CFTR: variants seen among roughly 807,000 people sequenced by gnomAD.
The protein encoded by CFTR is cystic fibrosis transmembrane conductance regulator.
Under a neutral mutation model 171.6 loss-of-function variants are expected in CFTR, and 181 were observed. The observed-to-expected ratio is 1.05, with a 90% CI of 0.93 to 1.19. The LOEUF (loss-of-function observed/expected upper bound fraction) is 1.19. Ranked by LOEUF, CFTR falls within the 50% of genes most tolerant of loss-of-function variation. The pLI is 0.00. For missense variants in CFTR, 1,968 were observed against 1,734.7 expected (o/e 1.13, Z -2.39); for synonymous variants, 583 against 608.0 (o/e 0.96, Z 0.60).
At chr7:117,558,337 G>A (rs1799394958) in intron 10 of CFTR, among the ~76,000 whole-genome samples, 1 of 151,396 alleles carries the variant, frequency 6.6e-6, no homozygotes, top group African/African-American at 2.4e-5. Context: ...GTGCTTTTTC[G>A]AGGTTAGGAG....
At chr7:117,495,591 A>G (rs1798224339) in intron 1 of CFTR, among the ~76,000 whole-genome samples, 1 of 152,272 alleles carries the variant, frequency 6.6e-6, no homozygotes, top group East Asian at 1.9e-4. Flanking sequence ...CCAGAAGTTA[A>G]GTTCCTTGCT....
intron 15 of CFTR, among the ~76,000 whole-genome samples, chr7:117,597,299 G>A (rs1046661086): frequency 6.6e-6 from 1 of 152,074 alleles, no homozygotes; most frequent in Non-Finnish European, 1.5e-5. Flanking sequence ...CAGGACACGC[G>A]GCCTTTAAGA....
intron 3 of CFTR, among the ~76,000 whole-genome samples, chr7:117,523,587 C>T (rs1482481189): frequency 6.6e-6 from 1 of 152,112 alleles, no homozygotes; most frequent in Non-Finnish European, 1.5e-5. Context: ...CTGTGTTAGC[C>T]AGGACGGTCT....
intron 24 of CFTR, among the ~76,000 whole-genome samples, chr7:117,656,993 T>C (rs970218468): frequency 6.6e-6 from 1 of 152,168 alleles, no homozygotes; most frequent in African/African-American, 2.4e-5. Context: ...AAAGTTTCCT[T>C]ATTACCCAAC....
In CFTR at chr7:117,665,515, TTC is replaced by T. The variant is rs397508693; in HGVS notation, c.4197_4198del (p.Cys1400Ter). 9.3e-6 allele frequency: 15 copies of T among 1,613,532 alleles called. No individual in the cohort carries two copies. Among genetic ancestry groups the T allele is most frequent in the Non-Finnish European group, 1.3e-5 (15 of 1,179,588 alleles). On this transcript the variant is annotated frameshift_variant, in exon 26 of 27. Coordinates refer to ENST00000003084, the MANE Select transcript of CFTR (RefSeq NM_000492.4). LOFTEE classifies it high-confidence loss of function. ...CAAGCATTTGCTGATTGCACAGTAA[TTC>T]TCTGTGAACACAGGATAGAAGCAAT...
At chr7:117,602,945 T>C in intron 16 of CFTR, 82 bp downstream of exon 16, 1 of 1,221,296 alleles carries the variant, frequency 8.2e-7, no homozygotes, top group East Asian at 2.3e-5. Flanking sequence ...TTGTATGTAT[T>C]GTAATCCACT....
chr7:117,596,066 A>G (rs1399421986), intron 15 of CFTR, among the ~76,000 whole-genome samples: 148 of 152,174 alleles, frequency 9.7e-4, no homozygotes, highest in Non-Finnish European at 1.8e-4. Flanking sequence ...GGAGCCCTTC[A>G]GCCCTCCCCT....
chr7:117,574,016 TA>T (rs1791733822), intron 11 of CFTR, among the ~76,000 whole-genome samples: 1 of 152,034 alleles, frequency 6.6e-6, no homozygotes, highest in Non-Finnish European at 1.5e-5. Context: ...TACTGCTTTT[TA>T]AAAAAATTAT....
At chr7:117,544,127 A>G (rs1179708060) in intron 9 of CFTR, among the ~76,000 whole-genome samples, 1 of 152,110 alleles carries the variant, frequency 6.6e-6, no homozygotes, top group Admixed American at 6.6e-5. Flanking sequence ...AAGAACAATA[A>G]TTTTATTCTC....
chr7:117,551,870 C>G (rs1799277026), intron 10 of CFTR, among the ~76,000 whole-genome samples: 1 of 152,126 alleles, frequency 6.6e-6, no homozygotes, highest in South Asian at 2.1e-4. Context: ...CTGACACCAC[C>G]TTGTCTCTAT....
intron 15 of CFTR, among the ~76,000 whole-genome samples, chr7:117,598,814 C>A (rs966342075): frequency 6.6e-6 from 1 of 152,006 alleles, no homozygotes; most frequent in African/African-American, 2.4e-5. Context: ...CTCGCTGGGC[C>A]CATTTTCTCA....
chr7:117,612,037 A>ATATATG (rs1562915112), intron 20 of CFTR, among the ~76,000 whole-genome samples: 2 of 73,382 alleles, frequency 2.7e-5, no homozygotes, highest in African/African-American at 1.2e-4. Context: ...ATATATATAT[A>ATATATG]TATATATATA....
At chr7:117,588,190 C>A (rs1164771923) in intron 12 of CFTR, among the ~76,000 whole-genome samples, 1 of 152,098 alleles carries the variant, frequency 6.6e-6, no homozygotes, top group African/African-American at 2.4e-5. Flanking sequence ...CCAATGTACA[C>A]ACCAGCTTTA....
intron 24 of CFTR, among the ~76,000 whole-genome samples, chr7:117,664,046 T>G (rs1793328432): frequency 6.6e-6 from 1 of 152,240 alleles, no homozygotes; most frequent in African/African-American, 2.4e-5. Context: ...ACCACTATTT[T>G]AACTCCAGTA....
intron 11 of CFTR, among the ~76,000 whole-genome samples, chr7:117,569,663 T>C (rs920148403): frequency 2.0e-5 from 3 of 152,052 alleles, no homozygotes; most frequent in East Asian, 1.9e-4. Flanking sequence ...GGGTGACTTA[T>C]AGAAAAAGGA....
At chr7:117,627,854 T>C in intron 22 of CFTR, 84 bp downstream of exon 22, 2 of 1,329,560 alleles carry the variant, frequency 1.5e-6, no homozygotes, top group African/African-American at 1.4e-5. Flanking sequence ...TAGCAGAATC[T>C]ATTTGTAACA....
chr7:117,537,338 A>G (rs886910329), intron 7 of CFTR, among the ~76,000 whole-genome samples: 2 of 152,238 alleles, frequency 1.3e-5, no homozygotes, highest in Admixed American at 6.5e-5. Context: ...AGACTGAGAT[A>G]TGATTACTGA....
intron 26 of CFTR, 49 bp downstream of exon 26, chr7:117,665,613 G>C (rs111365709): frequency 2.6e-6 from 3 of 1,143,898 alleles, no homozygotes; most frequent in African/African-American, 3.0e-5. Flanking sequence ...TGTAATTCTT[G>C]ATAACAATCT....
Position 117,559,560 on chromosome 7 carries a change from A to T in CFTR, c.1489A>T (p.Ile497Phe). ...RISFCSQFSW[I>F]MPGTIKENII... is the part of the protein sequence containing the mutation. ...TTCATTCTGTTCTCAGTTTTCCTGG[A>T]TTATGCCTGGCACCATTAAAGAAAA... The change falls in exon 11 of 27, where the codon ATT becomes TTT. Residue 497 changes from isoleucine (I) to phenylalanine (F), a missense_variant. Transcript: ENST00000003084. The T allele has an allele frequency of 6.2e-7, 1 of 1,612,358 alleles. No homozygotes were observed. The highest frequency in any genetic ancestry group is 8.5e-7 in the Non-Finnish European group (1 of 1,178,524).
Sources: gnomAD v4.1 joint callset for allele counts (sites outside exome capture counted in the v4.1 genomes callset) on GRCh38, gnomAD v4.1.1 for gene constraint, MANE v1.5 for transcripts, NCBI Gene and HGNC (gene_info 2026-07-23, HGNC 2026-07-21) for gene names.